The following CAMTA1 variants were observed in gnomAD, a reference collection of about 807,000 sequenced individuals.
CAMTA1 encodes the protein calmodulin binding transcription activator 1.
In CAMTA1, 27 loss-of-function variants were observed where a neutral mutation model predicts 170.9. The observed-to-expected ratio is 0.16, with a 90% CI of 0.12 to 0.22. The LOEUF is 0.22. Ranked by LOEUF, CAMTA1 falls within the 10% of genes least tolerant of loss-of-function variation. CAMTA1 has a pLI of 1.00. For synonymous variants in CAMTA1, 833 were observed against 891.5 expected (o/e 0.93, Z 1.17); for missense variants, 1,619 against 2,217.2 (o/e 0.73, Z 5.42).
At chr1:7,626,415 T>G (rs9660784) in intron 6 of CAMTA1, among the ~76,000 whole-genome samples, 33,142 of 152,010 alleles carry the variant, frequency 0.22, 5,033 homozygotes, top group African/African-American at 0.43. Flanking sequence ...CCTGCTTGGA[T>G]CACCTGCCCT....
chr1:7,501,416 G>T (rs998707455), intron 6 of CAMTA1, among the ~76,000 whole-genome samples: 14 of 152,124 alleles, frequency 9.2e-5, no homozygotes, highest in Non-Finnish European at 1.5e-4. Context: ...TCCAGAGCCC[G>T]CTGGAGGGAG....
intron 6 of CAMTA1, among the ~76,000 whole-genome samples, chr1:7,536,480 T>TA (rs1240710528): frequency 6.6e-6 from 1 of 152,106 alleles, no homozygotes; most frequent in Non-Finnish European, 1.5e-5. Flanking sequence ...CTGTGACCAT[T>TA]GGGTGTCCTT....
Position 7,736,262 on chromosome 1 carries a change from C to G in CAMTA1, c.3067-82C>G. The G allele has an allele frequency of 8.9e-7, 1 of 1,126,762 alleles. No homozygotes were observed. Among genetic ancestry groups the G allele is most frequent in the South Asian group, 1.4e-5 (1 of 71,914 alleles). The allele number at this position is 1,126,762 out of a possible 1,614,324, so 69.8% of individuals were successfully genotyped here. A position where few individuals can be genotyped will look rare whatever the true frequency, so the allele number is the denominator to read the frequency against. Reference sequence around the variant, plus strand: ...CCGTTGTGAGTTTCTAATCGTAAAGCATTTGTTTCCCCTACATCGAAGCGC... The same window carrying G: ...CCGTTGTGAGTTTCTAATCGTAAAGGATTTGTTTCCCCTACATCGAAGCGC... On this transcript the variant is annotated intron_variant, in intron 12 of 22. Transcript: ENST00000303635. This position sits in a 1 kb window ranked among gnomAD's most constrained non-coding sequence, Gnocchi z 4.5.
chr1:7,234,757 G>C lies in CAMTA1; in HGVS notation c.303-14734G>C, dbSNP rs1049827035. On this transcript the variant is annotated intron_variant, in intron 4 of 22. Transcript: ENST00000303635. This position sits in a 1 kb window ranked among gnomAD's most constrained non-coding sequence, Gnocchi z 5.0. ...TTATGTGAACAAACTGTGGCTTAAC[G>C]ATCTTGGGAAATTGGAAAATACAAG... 1.3e-5 allele frequency among the ~76,000 whole-genome samples: 2 copies of C among 150,754 alleles called. No individual in the cohort carries two copies. The highest frequency in any genetic ancestry group is 3.9e-4 in the East Asian group (2 of 5,096).
chr1:7,048,424 A>G (rs1705757307), intron 3 of CAMTA1, among the ~76,000 whole-genome samples: 1 of 152,218 alleles, frequency 6.6e-6, no homozygotes, highest in African/African-American at 2.4e-5. Flanking sequence ...TAAAAGTTTA[A>G]TTTTTGATGG....
chr1:7,571,387 TA>T (rs1390989997), intron 6 of CAMTA1, among the ~76,000 whole-genome samples: 1 of 152,230 alleles, frequency 6.6e-6, no homozygotes, highest in Non-Finnish European at 1.5e-5. Context: ...GTTATGTTGG[TA>T]AACTTGTGTC....
chr1:7,347,496 C>T (rs1221722471), intron 5 of CAMTA1, among the ~76,000 whole-genome samples: 2 of 152,244 alleles, frequency 1.3e-5, no homozygotes, highest in South Asian at 2.1e-4. Context: ...TTTTTGAAGA[C>T]GTTCTCCTCG....
chr1:6,873,411 G>A (rs1668948056), intron 3 of CAMTA1, among the ~76,000 whole-genome samples: 1 of 152,124 alleles, frequency 6.6e-6, no homozygotes. Flanking sequence ...GATGGTACAT[G>A]GAAGCCATGT....
Position 7,437,750 on chromosome 1 carries a change from G to A in CAMTA1, c.439-30080G>A, listed in dbSNP as rs141568274. 1.9e-4 allele frequency among the ~76,000 whole-genome samples: 29 copies of A among 152,330 alleles called. No individual in the cohort carries two copies. The East Asian group carries it at 5.6e-3, about 29-fold the overall frequency. The stretch of plus-strand genomic sequence containing the variant: ...TGGGTTGGAGGGCCTGACACAGGGT[G>A]CTGCCTCCCCAGCTGGCCCTGTGGG... On this transcript the variant is annotated intron_variant, in intron 5 of 22. Coordinates refer to ENST00000303635, the MANE Select transcript of CAMTA1 (RefSeq NM_015215.4).
chr1:6,871,756 G>A, intron 3 of CAMTA1: 1 of 1,534,916 alleles, frequency 6.5e-7, no homozygotes. Flanking sequence ...TTGTTTTGCA[G>A]AGATCATGAT....
intron 6 of CAMTA1, among the ~76,000 whole-genome samples, chr1:7,619,425 T>C (rs991270369): frequency 2.6e-5 from 4 of 152,082 alleles, no homozygotes; most frequent in Admixed American, 2.0e-4. Flanking sequence ...ACATGACACA[T>C]AGCAGGTGTC....
At chr1:7,662,111 T>C (rs117019238) in intron 8 of CAMTA1, among the ~76,000 whole-genome samples, 1 of 152,266 alleles carries the variant, frequency 6.6e-6, no homozygotes, top group East Asian at 1.9e-4. Context: ...AGGGACAGCT[T>C]CCTCCGTGGG....
chr1:6,831,342 T>G (rs1003659292), intron 3 of CAMTA1, among the ~76,000 whole-genome samples: 2 of 152,236 alleles, frequency 1.3e-5, no homozygotes, highest in African/African-American at 4.8e-5. Context: ...GGTGAACTGC[T>G]ATAAGGTTTC....
At chr1:6,894,720 A>G (rs1164291540) in intron 3 of CAMTA1, among the ~76,000 whole-genome samples, 1 of 152,252 alleles carries the variant, frequency 6.6e-6, no homozygotes, top group Non-Finnish European at 1.5e-5. Context: ...GTTTGAATAA[A>G]GTGAAAACAT....
intron 3 of CAMTA1, among the ~76,000 whole-genome samples, chr1:7,042,610 T>C (rs1317008454): frequency 6.6e-6 from 1 of 152,136 alleles, no homozygotes; most frequent in Non-Finnish European, 1.5e-5. Flanking sequence ...CACCAGCTGG[T>C]CGGGGGAGGG....
intron 4 of CAMTA1, among the ~76,000 whole-genome samples, chr1:7,154,138 A>C (rs763543643): frequency 1.3e-5 from 2 of 152,182 alleles, no homozygotes; most frequent in Non-Finnish European, 2.9e-5. Context: ...TACTTAGAGA[A>C]GTCCTAGTAG....
At chr1:6,845,498 G>A (rs1483528187) in intron 3 of CAMTA1, among the ~76,000 whole-genome samples, 1 of 152,228 alleles carries the variant, frequency 6.6e-6, no homozygotes, top group Admixed American at 6.5e-5. Flanking sequence ...GCACAACTCT[G>A]TGCATATATT....
intron 4 of CAMTA1, among the ~76,000 whole-genome samples, chr1:7,187,279 T>C (rs1181599037): frequency 3.3e-5 from 5 of 152,114 alleles, no homozygotes; most frequent in Non-Finnish European, 5.9e-5. Context: ...TGGCAAGATA[T>C]GGGAAATGAA....
intron 3 of CAMTA1, among the ~76,000 whole-genome samples, chr1:6,888,418 G>A (rs41278944): frequency 1.8e-4 from 28 of 152,312 alleles, no homozygotes; most frequent in Non-Finnish European, 3.4e-4. Context: ...ATATGTGATG[G>A]TATCGGTGCC....
Sources: gnomAD v4.1 joint callset for allele counts (sites outside exome capture counted in the v4.1 genomes callset) on GRCh38, gnomAD v4.1.1 for gene constraint, Gnocchi (gnomAD v3.1) non-coding constraint, MANE v1.5 for transcripts, NCBI Gene and HGNC (gene_info 2026-07-23, HGNC 2026-07-21) for gene names.